ASTN2: variants seen among roughly 807,000 people sequenced by gnomAD.
ASTN2 encodes astrotactin 2, also known as astrotactin-2.
ASTN2 carries 54 observed loss-of-function variants against 139.8 expected under a neutral mutation model. The ratio of observed to expected loss-of-function variants is 0.39; its 90% CI spans 0.31 to 0.48. The LOEUF (loss-of-function observed/expected upper bound fraction) is 0.48. Ranked by LOEUF, ASTN2 falls within the 20% of genes least tolerant of loss-of-function variation. The pLI is 0.95. For missense variants in ASTN2, 1,565 were observed against 1,725.1 expected (o/e 0.91, Z 1.64); for synonymous variants, 756 against 719.5 (o/e 1.05, Z -0.81).
chr9:116,907,865 T>A (rs1403408686), intron 10 of ASTN2, among the ~76,000 whole-genome samples: 1 of 152,152 alleles, frequency 6.6e-6, no homozygotes, highest in Non-Finnish European at 1.5e-5. Context: ...TTCCCCCTAG[T>A]AAGATGCTGA....
chr9:116,897,307 G>A (rs145745169), intron 10 of ASTN2, among the ~76,000 whole-genome samples: 1 of 152,268 alleles, frequency 6.6e-6, no homozygotes, highest in East Asian at 1.9e-4. Flanking sequence ...GGGCAATCAG[G>A]GTCTAACTCT....
chr9:116,595,899 C>T (rs1448812414), intron 19 of ASTN2, among the ~76,000 whole-genome samples: 1 of 152,110 alleles, frequency 6.6e-6, no homozygotes, highest in Non-Finnish European at 1.5e-5. Context: ...AATAGAACTG[C>T]TAGATGATCC....
intron 16 of ASTN2, among the ~76,000 whole-genome samples, chr9:116,707,668 C>T (rs1456227734): frequency 2.6e-5 from 4 of 152,134 alleles, no homozygotes; most frequent in Non-Finnish European, 4.4e-5. Context: ...ATTTTTGCAA[C>T]AACAACAAAA....
intron 17 of ASTN2, among the ~76,000 whole-genome samples, chr9:116,635,811 A>C (rs1404794366): frequency 6.6e-6 from 1 of 152,240 alleles, no homozygotes; most frequent in Non-Finnish European, 1.5e-5. Context: ...AGGCATTAAG[A>C]AAAGGGCTTT....
chr9:116,550,196 C>T (rs60209746), intron 19 of ASTN2, among the ~76,000 whole-genome samples: 24,184 of 152,188 alleles, frequency 0.16, 2,091 homozygotes, highest in African/African-American at 0.21. Context: ...GGAAGTTCTA[C>T]GTGACCAGAT....
chr9:116,865,449 A>AG (rs1832990513), intron 10 of ASTN2, among the ~76,000 whole-genome samples: 1 of 114,370 alleles, frequency 8.7e-6, no homozygotes, highest in African/African-American at 3.6e-5. Context: ...AAAAAAAAAA[A>AG]AAAAAAAGGC....
At chr9:117,019,269 T>A (rs748619996) in intron 6 of ASTN2, among the ~76,000 whole-genome samples, 3 of 152,094 alleles carry the variant, frequency 2.0e-5, no homozygotes, top group Non-Finnish European at 4.4e-5. Flanking sequence ...TACATCGTCA[T>A]GACATTTTCA....
At chr9:117,162,833 G>C (rs1830583502) in intron 3 of ASTN2, among the ~76,000 whole-genome samples, 1 of 152,034 alleles carries the variant, frequency 6.6e-6, no homozygotes, top group Non-Finnish European at 1.5e-5. Flanking sequence ...GATCTCATTA[G>C]AGAGAAGCCA....
intron 2 of ASTN2, among the ~76,000 whole-genome samples, chr9:117,259,054 T>C (rs957336404): frequency 6.6e-6 from 1 of 152,178 alleles, no homozygotes; most frequent in African/African-American, 2.4e-5. Context: ...CAGATATTAT[T>C]GTGGCCAGTG....
intron 3 of ASTN2, among the ~76,000 whole-genome samples, chr9:117,175,701 A>G (rs1027069229): frequency 6.6e-6 from 1 of 152,200 alleles, no homozygotes; most frequent in African/African-American, 2.4e-5. Flanking sequence ...ATCCATGTGA[A>G]AAACTAAAGC....
chr9:116,710,298 A>G (rs1221991995), intron 16 of ASTN2, among the ~76,000 whole-genome samples: 1 of 151,978 alleles, frequency 6.6e-6, no homozygotes, highest in Non-Finnish European at 1.5e-5. Context: ...ACATCTTTTC[A>G]TATCTTCTTG....
intron 10 of ASTN2, among the ~76,000 whole-genome samples, chr9:116,890,433 A>G (rs529639427): frequency 6.6e-6 from 1 of 152,346 alleles, no homozygotes; most frequent in African/African-American, 2.4e-5. Flanking sequence ...TTTATGATAT[A>G]ATCAAGAGAA....
chr9:117,072,081 A>G (rs1410309128), intron 5 of ASTN2, among the ~76,000 whole-genome samples: 1 of 152,198 alleles, frequency 6.6e-6, no homozygotes, highest in African/African-American at 2.4e-5. Context: ...TTGCACAGGT[A>G]GTAAGTCACA....
intron 10 of ASTN2, among the ~76,000 whole-genome samples, chr9:116,948,757 G>C (rs1046425499): frequency 2.1e-5 from 3 of 143,028 alleles, no homozygotes; most frequent in African/African-American, 5.2e-5. Flanking sequence ...GAGACAGAGA[G>C]AGAGAGAGAG....
intron 10 of ASTN2, among the ~76,000 whole-genome samples, chr9:116,889,517 A>G (rs1475906519): frequency 2.0e-5 from 3 of 151,624 alleles, no homozygotes; most frequent in African/African-American, 7.3e-5. Context: ...TTTGCTCACC[A>G]GGTTGATGAT....
chr9:116,614,950 G>C (rs1295620987), intron 19 of ASTN2, among the ~76,000 whole-genome samples: 1 of 152,130 alleles, frequency 6.6e-6, no homozygotes, highest in East Asian at 1.9e-4. Flanking sequence ...TACAGAATGG[G>C]AGAAAATTTT....
intron 4 of ASTN2, among the ~76,000 whole-genome samples, chr9:117,134,266 T>TTA (rs5900267): frequency 0.011 from 1,023 of 92,230 alleles, 6 homozygotes; most frequent in African/African-American, 0.013. Flanking sequence ...CTAATGAAAA[T>TTA]TATATATATA....
At chr9:116,485,274 AG>A (rs1181090772) in intron 20 of ASTN2, among the ~76,000 whole-genome samples, 1 of 151,986 alleles carries the variant, frequency 6.6e-6, no homozygotes, top group Non-Finnish European at 1.5e-5. Context: ...GGAGGCTCAG[AG>A]GGATGGGCAG....
chr9:116,756,794 CACACAT>C (rs2132162148), intron 13 of ASTN2, among the ~76,000 whole-genome samples: 1 of 151,748 alleles, frequency 6.6e-6, no homozygotes, highest in African/African-American at 2.4e-5. Flanking sequence ...CACACACACA[CACACAT>C]ACACACACAC....
Sources: gnomAD v4.1 joint callset for allele counts (sites outside exome capture counted in the v4.1 genomes callset) on GRCh38, gnomAD v4.1.1 for gene constraint, MANE v1.5 for transcripts, NCBI Gene and HGNC (gene_info 2026-07-23, HGNC 2026-07-21) for gene names.